The following PRPH2 variants were observed in gnomAD, a reference collection of about 807,000 sequenced individuals.
The protein encoded by PRPH2 is peripherin 2, also known as peripherin-2.
A neutral mutation model predicts 31.3 loss-of-function variants in PRPH2; 17 were observed. The observed-to-expected ratio is 0.54, with a 90% CI of 0.37 to 0.81. The LOEUF is 0.81. PRPH2 is among the 40% of genes least tolerant of loss of function. The pLI, the probability that PRPH2 is intolerant of heterozygous loss-of-function variation, is 0.00. For missense variants in PRPH2, 430 were observed against 439.7 expected, an observed-to-expected ratio of 0.98 and a Z score of 0.20; for synonymous variants, 165 against 184.4, an observed-to-expected ratio of 0.89 and a Z score of 0.85.
intron 1 of PRPH2, among the ~76,000 whole-genome samples, chr6:42,709,510 G>C (rs1800236406): frequency 6.6e-6 from 1 of 152,126 alleles, no homozygotes; most frequent in South Asian, 2.1e-4. Flanking sequence ...GCTGAAGACA[G>C]AGCAGTGAAT....
At chr6:42,717,228 C>T (rs373184025) in intron 1 of PRPH2, among the ~76,000 whole-genome samples, 215 of 151,342 alleles carry the variant, frequency 1.4e-3, no homozygotes, top group African/African-American at 4.9e-3. Context: ...GCCTGGCCAA[C>T]ATGGTGAAAC....
rs1388057513 is a variant in PRPH2 at position 42,698,359 on chromosome 6, A to G, written c.977T>C (p.Leu326Pro). The change falls in exon 3 of 3, where the codon CTG (leucine) becomes CCG (proline). Residue 326 changes from leucine (L) to proline (P), a missense_variant. Transcript: ENST00000230381. ...GGCTTCCACCTGGTTGCCCTTGCCC[A>G]GCTTCTTCACACTCTCCAGAAAGGC... Reference protein sequence around the residue: ...WKAFLESVKKLGKGNQVEAEG... With the variant: ...WKAFLESVKKPGKGNQVEAEG... The G allele has an allele frequency of 2.5e-6, 4 of 1,613,806 alleles. No homozygotes were observed. The highest frequency in any genetic ancestry group is 2.5e-6 in the Non-Finnish European group (3 of 1,179,810).
chr6:42,704,679 C>G, intron 1 of PRPH2, 68 bp from the exon 2 acceptor site: 1 of 1,607,042 alleles, frequency 6.2e-7, no homozygotes, highest in Non-Finnish European at 8.5e-7. Context: ...TTCCTCCCAA[C>G]CCCTGCCTCT....
intron 2 of PRPH2, among the ~76,000 whole-genome samples, chr6:42,699,241 A>ATTG (rs750633937): frequency 2.0e-5 from 3 of 150,432 alleles, no homozygotes; most frequent in African/African-American, 4.9e-5. Context: ...TTTTGTTGTT[A>ATTG]TTGTTGTAGA....
intron 1 of PRPH2, among the ~76,000 whole-genome samples, chr6:42,705,312 G>A (rs982324014): frequency 1.3e-4 from 20 of 151,920 alleles, no homozygotes; most frequent in African/African-American, 4.6e-4. Flanking sequence ...ATTCAAAAGG[G>A]ATCTTTACAG....
intron 1 of PRPH2, among the ~76,000 whole-genome samples, chr6:42,717,868 A>G (rs1761818798): frequency 6.6e-6 from 1 of 152,102 alleles, no homozygotes; most frequent in African/African-American, 2.4e-5. Context: ...TTCAGTGATC[A>G]TGTAAAAGTC....
Position 42,696,942 on chromosome 6 carries a change from A to AC in PRPH2, c.*1352dup, listed in dbSNP as rs888862351. ...ACTGAAGTTCTTAGGACAGCAGAGA[A>AC]CCCAAACTCAGTCCAAAGTAACCTA... is the stretch of plus-strand genomic sequence containing the variant. On this transcript the variant is annotated 3_prime_UTR_variant, in exon 3 of 3. Coordinates refer to ENST00000230381, the MANE Select transcript of PRPH2 (RefSeq NM_000322.5). 2.0e-5 allele frequency: 3 copies of AC among 152,004 alleles called. No homozygotes were observed. Among genetic ancestry groups the AC allele is most frequent in the African/African-American group, 7.3e-5 (3 of 41,370 alleles). 9.4% of individuals were successfully genotyped at this position (152,004 alleles called of 1,614,324 possible). A position where few individuals can be genotyped will look rare whatever the true frequency, so the allele number is the denominator to read the frequency against.
intron 2 of PRPH2, among the ~76,000 whole-genome samples, chr6:42,701,750 G>C (rs1237006021): frequency 1.5e-5 from 2 of 134,392 alleles, no homozygotes; most frequent in East Asian, 4.5e-4. Flanking sequence ...GGCTGGTCTT[G>C]AACTCCTGAG....
intron 2 of PRPH2, among the ~76,000 whole-genome samples, chr6:42,699,484 C>T (rs1302517521): frequency 6.6e-6 from 1 of 152,232 alleles, no homozygotes; most frequent in Non-Finnish European, 1.5e-5. Context: ...AACCCGGGCA[C>T]TTAGCCAGCC....
Position 42,698,165 on chromosome 6 carries a change from CAGGG to C in PRPH2, c.*126_*129del. 1 of 1,276,602 alleles carries C rather than the reference CAGGG, an allele frequency of 7.8e-7. No individual in the cohort carries two copies. The highest frequency in any genetic ancestry group is 1.1e-6 in the Non-Finnish European group (1 of 918,836). 79.1% of individuals were successfully genotyped at this position (1,276,602 alleles called of 1,614,324 possible). The stretch of plus-strand genomic sequence containing the variant: ...GGACCCTAAACTTAAATTCCACCGT[CAGGG>C]AGAGTCTCTGTAAGATGGTGCCCTC... On this transcript the variant is annotated 3_prime_UTR_variant, in exon 3 of 3. Transcript: ENST00000230381.
chr6:42,711,128 G>A (rs1800269066), intron 1 of PRPH2, among the ~76,000 whole-genome samples: 1 of 152,202 alleles, frequency 6.6e-6, no homozygotes. Flanking sequence ...GTGAGAGATG[G>A]GACCTTTGAG....
intron 1 of PRPH2, among the ~76,000 whole-genome samples, chr6:42,709,467 T>C (rs1230366845): frequency 6.6e-6 from 1 of 152,206 alleles, no homozygotes; most frequent in Non-Finnish European, 1.5e-5. Flanking sequence ...ATATTTGCTG[T>C]GCACCTGCTA....
At chr6:42,720,803 C>T (rs1761887717) in intron 1 of PRPH2, among the ~76,000 whole-genome samples, 1 of 152,166 alleles carries the variant, frequency 6.6e-6, no homozygotes, top group African/African-American at 2.4e-5. Flanking sequence ...GCGGCTGCCT[C>T]AAGGCAGGCT....
At chr6:42,698,838 C>T (rs531432903) in intron 2 of PRPH2, among the ~76,000 whole-genome samples, 1 of 152,222 alleles carries the variant, frequency 6.6e-6, no homozygotes, top group East Asian at 1.9e-4. Context: ...TCTCCACGTT[C>T]ATCTGTTAAT....
chr6:42,716,083 C>T (rs573075162), intron 1 of PRPH2, among the ~76,000 whole-genome samples: 11 of 152,306 alleles, frequency 7.2e-5, no homozygotes, highest in Non-Finnish European at 7.4e-5. Context: ...CACCAGACAC[C>T]GCCCATGCCC....
intron 1 of PRPH2, among the ~76,000 whole-genome samples, chr6:42,715,894 G>T (rs891665805): frequency 2.0e-5 from 3 of 152,116 alleles, no homozygotes; most frequent in African/African-American, 4.8e-5. Context: ...GGGCACAAGT[G>T]GGGAGGTCCT....
intron 2 of PRPH2, among the ~76,000 whole-genome samples, chr6:42,698,934 C>T (rs1799998672): frequency 6.6e-6 from 1 of 152,126 alleles, no homozygotes; most frequent in Non-Finnish European, 1.5e-5. Context: ...TGCATTATTC[C>T]TGGGTGCCTT....
chr6:42,720,312 G>A (rs932457552), intron 1 of PRPH2, among the ~76,000 whole-genome samples: 1 of 152,114 alleles, frequency 6.6e-6, no homozygotes, highest in Non-Finnish European at 1.5e-5. Flanking sequence ...AAGATGAAAA[G>A]CCCCTTCTCT....
chr6:42,708,477 C>G (rs954199250), intron 1 of PRPH2, among the ~76,000 whole-genome samples: 3 of 152,172 alleles, frequency 2.0e-5, no homozygotes, highest in African/African-American at 7.2e-5. Flanking sequence ...TGAGGGGGGC[C>G]TTCAGCTCGG....
Sources: gnomAD v4.1 joint callset for allele counts (sites outside exome capture counted in the v4.1 genomes callset) on GRCh38, gnomAD v4.1.1 for gene constraint, MANE v1.5 for transcripts, NCBI Gene and HGNC (gene_info 2026-07-23, HGNC 2026-07-21) for gene names.